TRAPPC12: variants seen among roughly 807,000 people sequenced by gnomAD.
TRAPPC12 encodes TPR repeat protein 15.
A neutral mutation model predicts 69.2 loss-of-function variants in TRAPPC12; 61 were observed. That is an observed-to-expected ratio of 0.88 (90% CI 0.72 to 1.09). The LOEUF (loss-of-function observed/expected upper bound fraction) is 1.09. TRAPPC12 is among the 50% of genes least tolerant of loss of function. TRAPPC12 has a pLI of 0.00. For missense variants in TRAPPC12, 1,101 were observed against 1,016.4 expected, an observed-to-expected ratio of 1.08 and a Z score of -1.13; for synonymous variants, 469 against 438.9, an observed-to-expected ratio of 1.07 and a Z score of -0.86.
At chr2:3,395,038 AAC>A (rs1661043127) in intron 2 of TRAPPC12, among the ~76,000 whole-genome samples, 1 of 151,948 alleles carries the variant, frequency 6.6e-6, no homozygotes, top group African/African-American at 2.4e-5. Flanking sequence ...CTTGGGTAAA[AAC>A]TTAATAGTAT....
At chr2:3,382,647 G>A (rs1572069505) in intron 1 of TRAPPC12, among the ~76,000 whole-genome samples, 1 of 152,230 alleles carries the variant, frequency 6.6e-6, no homozygotes, top group East Asian at 1.9e-4. Context: ...TTACTGAGGC[G>A]AAGCACGTGG....
Position 3,412,423 on chromosome 2 carries a change from G to A in TRAPPC12, c.1165-9458G>A, listed in dbSNP as rs181428195. On this transcript the variant is annotated intron_variant, in intron 3 of 11. Coordinates refer to ENST00000324266, the MANE Select transcript of TRAPPC12 (RefSeq NM_016030.6). ...CTAAAAATACAAAAATTAGCCGGGT[G>A]TGGTGGTGGGCGCCTGTAATCCCAG... Among the ~76,000 whole-genome samples, 871 of 152,272 alleles carry A rather than the reference G, an allele frequency of 5.7e-3. 10 individuals carry two copies. Among genetic ancestry groups the A allele is most frequent in the African/African-American group, 0.02 (836 of 41,544 alleles).
At chr2:3,469,493 A>G (rs1029263019) in intron 9 of TRAPPC12, among the ~76,000 whole-genome samples, 2 of 152,236 alleles carry the variant, frequency 1.3e-5, no homozygotes, top group African/African-American at 4.8e-5. Flanking sequence ...CACGGACAGT[A>G]GTACAGGGAA....
At chr2:3,398,463 A>G (rs906771934) in intron 2 of TRAPPC12, among the ~76,000 whole-genome samples, 6 of 152,206 alleles carry the variant, frequency 3.9e-5, no homozygotes, top group African/African-American at 1.4e-4. Flanking sequence ...AGACCCTGCC[A>G]GGATAAACAG....
rs140551015 is a variant in TRAPPC12 at position 3,388,250 on chromosome 2, C to T, written c.627C>T (p.Phe209=). ...VVQPSPSLST[F]FGDTAASHSL... is the part of the protein sequence containing the mutation. Reference sequence around the variant, plus strand: ...AGCCCAGCCCCAGCCTCAGCACGTTCTTCGGAGACACGGCCGCCAGCCACT... The same window carrying T: ...AGCCCAGCCCCAGCCTCAGCACGTTTTTCGGAGACACGGCCGCCAGCCACT... The change falls in exon 2 of 12, where the codon TTC becomes TTT. Residue 209 remains phenylalanine (F), a synonymous_variant. Coordinates refer to ENST00000324266, the MANE Select transcript of TRAPPC12 (RefSeq NM_016030.6). 0.012 allele frequency: 18,533 copies of T among 1,608,716 alleles called. 155 individuals carry two copies. The highest frequency in any genetic ancestry group is 0.015 in the Non-Finnish European group (17,145 of 1,177,796).
Position 3,476,033 on chromosome 2 carries a change from G to T in TRAPPC12, c.1777-1662G>T, listed in dbSNP as rs939904328. ...GCGTCACGGAGCCCATGCTGCCTTC[G>T]GTTTCTTTTTAGTCCGCAAGTGGGA... is the stretch of plus-strand genomic sequence containing the variant. On this transcript the variant is annotated intron_variant, in intron 9 of 11. Transcript: ENST00000324266. 3.9e-5 allele frequency among the ~76,000 whole-genome samples: 6 copies of T among 152,180 alleles called. No homozygotes were observed. The East Asian group carries it at 1.2e-3, about 29-fold the overall frequency.
In TRAPPC12 at chr2:3,414,072, A is replaced by G. The variant is rs953159974; in HGVS notation, c.1165-7809A>G. ...TCAGTATCCTTTTTATTCACGTAAT[A>G]CCCCCCAAAGAATTAGAAAACTAGG... On this transcript the variant is annotated intron_variant, in intron 3 of 11. Transcript: ENST00000324266. This position sits in a 1 kb window ranked among gnomAD's most constrained non-coding sequence, Gnocchi z 4.9. Among the ~76,000 whole-genome samples the G allele has an allele frequency of 7.9e-5, 12 of 151,980 alleles. No individual in the cohort carries two copies. The highest frequency in any genetic ancestry group is 2.6e-4 in the Admixed American group (4 of 15,272).
chr2:3,467,366 C>T (rs1319909325), intron 9 of TRAPPC12: 2 of 152,240 alleles, frequency 1.3e-5, no homozygotes, highest in Non-Finnish European at 2.9e-5. Context: ...ATTTATCAGG[C>T]CTCGCTCATG....
intron 9 of TRAPPC12, among the ~76,000 whole-genome samples, chr2:3,477,182 C>T (rs1208354211): frequency 2.6e-5 from 4 of 152,204 alleles, no homozygotes; most frequent in Non-Finnish European, 5.9e-5. Flanking sequence ...GGTTTCCTGA[C>T]ATGCGTGATA....
intron 5 of TRAPPC12, among the ~76,000 whole-genome samples, chr2:3,428,299 C>T (rs921211678): frequency 5.4e-4 from 82 of 152,260 alleles, no homozygotes; most frequent in African/African-American, 1.9e-3. Context: ...TTAGCAAAAG[C>T]GTATTAACAT....
chr2:3,456,794 G>T (rs1665177372), intron 6 of TRAPPC12: 1 of 251,958 alleles, frequency 4.0e-6, no homozygotes, highest in South Asian at 4.0e-5. Flanking sequence ...GCCCCAGCTG[G>T]TCTCTAACTC....
chr2:3,411,964 A>G (rs1020541607), intron 3 of TRAPPC12, among the ~76,000 whole-genome samples: 1 of 152,122 alleles, frequency 6.6e-6, no homozygotes, highest in African/African-American at 2.4e-5. Flanking sequence ...TAGGCTAACA[A>G]TGACATTTGC....
chr2:3,455,993 A>C (rs1365973347), intron 6 of TRAPPC12: 1 of 152,196 alleles, frequency 6.6e-6, no homozygotes, highest in East Asian at 1.9e-4. Context: ...GGGTGAGGGA[A>C]GTTAATTTCA....
intron 3 of TRAPPC12, among the ~76,000 whole-genome samples, chr2:3,413,416 C>G (rs569080710): frequency 2.0e-5 from 3 of 152,176 alleles, no homozygotes; most frequent in Non-Finnish European, 4.4e-5. Flanking sequence ...GAGTGTCATT[C>G]GGCCAGTTCC....
At chr2:3,476,635 AC>A (rs1666302125) in intron 9 of TRAPPC12, among the ~76,000 whole-genome samples, 2 of 152,336 alleles carry the variant, frequency 1.3e-5, no homozygotes, top group South Asian at 4.1e-4. Flanking sequence ...GAAACATGAC[AC>A]CCATGGAGAA....
intron 6 of TRAPPC12, chr2:3,456,970 C>T (rs1019776692): frequency 1.3e-5 from 5 of 396,894 alleles, no homozygotes; most frequent in African/African-American, 1.1e-4. Context: ...ATCATAAACA[C>T]CACTTTCACC....
chr2:3,385,971 A>G (rs1259304542), intron 1 of TRAPPC12, among the ~76,000 whole-genome samples: 2 of 152,082 alleles, frequency 1.3e-5, no homozygotes, highest in Non-Finnish European at 2.9e-5. Flanking sequence ...ACATGGCAGG[A>G]AAAAAAACGT....
intron 9 of TRAPPC12, among the ~76,000 whole-genome samples, chr2:3,470,314 C>T (rs35067331): frequency 0.27 from 40,864 of 152,232 alleles, 5,641 homozygotes; most frequent in East Asian, 0.4. Context: ...TGACGTGCCC[C>T]TCCCCAGGGA....
intron 11 of TRAPPC12, 133 bp from the exon 12 acceptor site, chr2:3,479,086 C>T: frequency 6.6e-7 from 1 of 1,513,354 alleles, no homozygotes; most frequent in Non-Finnish European, 8.9e-7. Flanking sequence ...AGTGACCCAA[C>T]AGGGCCACCT....
Sources: allele counts gnomAD v4.1 joint callset (sites outside exome capture counted in the v4.1 genomes callset), GRCh38; gene constraint gnomAD v4.1.1; non-coding constraint Gnocchi (gnomAD v3.1); transcripts MANE v1.5; gene names NCBI Gene and HGNC (gene_info 2026-07-23, HGNC 2026-07-21).